The following SUPT4H1 variants were observed in gnomAD, a reference collection of about 807,000 sequenced individuals.
SUPT4H1 encodes SPT4 homolog, DSIF elongation factor subunit, also known as transcription elongation factor SPT4.
SUPT4H1 carries 12 observed loss-of-function variants against 19.4 expected under a neutral mutation model. That is an observed-to-expected ratio of 0.62 (90% confidence interval 0.40 to 1.00). SUPT4H1 has a LOEUF of 1.00. SUPT4H1 is among the 50% of genes least tolerant of loss of function. The pLI, the probability that SUPT4H1 is intolerant of heterozygous loss-of-function variation, is 0.00. For synonymous variants in SUPT4H1, 58 were observed against 56.3 expected (o/e 1.03, Z -0.14); for missense variants, 115 against 149.2 (o/e 0.77, Z 1.19).
chr17:58,347,862 A>G (rs1011056946), intron 2 of SUPT4H1, among the ~76,000 whole-genome samples: 1 of 152,236 alleles, frequency 6.6e-6, no homozygotes, highest in Non-Finnish European at 1.5e-5. Context: ...CTAGAAAATG[A>G]GACGGCTTTA....
intron 2 of SUPT4H1, among the ~76,000 whole-genome samples, chr17:58,349,454 G>A (rs540017283): frequency 3.7e-4 from 57 of 152,302 alleles, no homozygotes; most frequent in Admixed American, 1.2e-3. Flanking sequence ...CAGTAGGTTG[G>A]GTGTGTTAAA....
At chr17:58,347,263 A>G (rs559831523) in intron 3 of SUPT4H1, 22 bp from the exon 4 acceptor site, 23 of 1,613,786 alleles carry the variant, frequency 1.4e-5, no homozygotes, top group Non-Finnish European at 1.9e-5. Context: ...GAAAAAAGAT[A>G]CAAGATTACA....
At position 58,352,180 on chromosome 17, in the gene SUPT4H1, T is replaced by G. The variant is rs1294282766; in HGVS notation, c.-45A>C. On this transcript the variant is annotated 5_prime_UTR_variant, in exon 1 of 5. Transcript: ENST00000225504. Reference sequence around the variant, plus strand: ...AACAGGGAGATAGACGACCACAGCCTGTGCACCCGCAGGAAGTAAATAGCT... The same window carrying G: ...AACAGGGAGATAGACGACCACAGCCGGTGCACCCGCAGGAAGTAAATAGCT... 1 of 1,590,226 alleles carries G rather than the reference T, an allele frequency of 6.3e-7. No individual in the cohort carries two copies. Among genetic ancestry groups the G allele is most frequent in the Non-Finnish European group, 8.6e-7 (1 of 1,158,892 alleles).
In SUPT4H1 at chr17:58,350,510, C is replaced by CAAAT. The variant is rs71143243; in HGVS notation, c.176+888_176+891dup. ...TGGGCGACAGAGCGAGACTCCATCT[C>CAAAT]AAATAAATAAATAAATAAATAAATA... On this transcript the variant is annotated intron_variant, in intron 2 of 4. Coordinates refer to ENST00000225504, the MANE Select transcript of SUPT4H1 (RefSeq NM_003168.3). Among the ~76,000 whole-genome samples the CAAAT allele has an allele frequency of 4.6e-3, 679 of 146,920 alleles. 5 individuals are homozygous for CAAAT. The highest frequency in any genetic ancestry group is 6.9e-3 in the Middle Eastern group (2 of 288).
chr17:58,346,068 A>C lies in SUPT4H1; in HGVS notation c.*178T>G. On this transcript the variant is annotated 3_prime_UTR_variant, in exon 5 of 5. Transcript: ENST00000225504. Reference sequence around the variant, plus strand: ...TAATCCACCAACCCAAATCCCTCCCACCCCACCTGTAGTCCAAAGAAGATA... The same window carrying C: ...TAATCCACCAACCCAAATCCCTCCCCCCCCACCTGTAGTCCAAAGAAGATA... 1.7e-6 allele frequency: 1 copy of C among 575,296 alleles called. No individual in the cohort carries two copies. The highest frequency in any genetic ancestry group is 3.1e-6 in the Non-Finnish European group (1 of 321,346). 35.6% of individuals were successfully genotyped at this position (575,296 alleles called of 1,614,324 possible). A position where few individuals can be genotyped will look rare whatever the true frequency, so the allele number is the denominator to read the frequency against.
intron 1 of SUPT4H1, 73 bp downstream of exon 1, chr17:58,351,994 C>T: frequency 1.3e-6 from 2 of 1,523,552 alleles, no homozygotes; most frequent in East Asian, 4.5e-5. Context: ...TTTACTGTCC[C>T]ACAGCCCCAT....
At position 58,346,207 on chromosome 17, in the gene SUPT4H1, G is replaced by C. The variant is rs778982997; in HGVS notation, c.*39C>G. The C allele has an allele frequency of 6.5e-7, 1 of 1,538,984 alleles. No individual in the cohort carries two copies. The highest frequency in any genetic ancestry group is 1.7e-5 in the Admixed American group (1 of 59,880). On this transcript the variant is annotated 3_prime_UTR_variant, in exon 5 of 5. Coordinates refer to ENST00000225504, the MANE Select transcript of SUPT4H1 (RefSeq NM_003168.3). ...CCAGAACAAGAAATAAGCAGAGGCAGGAGGTGGAGAGCAAAGATGCTGGCA... is the reference window on the plus strand; with the variant it reads ...CCAGAACAAGAAATAAGCAGAGGCACGAGGTGGAGAGCAAAGATGCTGGCA...
At chr17:58,351,532 G>A in intron 1 of SUPT4H1, 24 bp from the exon 2 acceptor site, 3 of 1,502,804 alleles carry the variant, frequency 2.0e-6, no homozygotes, top group Non-Finnish European at 2.8e-6. Context: ...AAAAATAAAG[G>A]AAAAGGAGAG....
chr17:58,346,838 G>C (rs1054951627), intron 4 of SUPT4H1, among the ~76,000 whole-genome samples: 2 of 151,912 alleles, frequency 1.3e-5, no homozygotes, highest in Non-Finnish European at 2.9e-5. Flanking sequence ...AAAAGCAAAG[G>C]TTCTAAGCCA....
In SUPT4H1 at chr17:58,345,603, T is replaced by C. The variant is rs1169937734; in HGVS notation, c.*643A>G. On this transcript the variant is annotated 3_prime_UTR_variant, in exon 5 of 5. Transcript: ENST00000225504. ...ATAGACAAGCAGGGGAGGGAAGAAT[T>C]ATTAAACATGGTCAAGGAGCACTCT... is the stretch of plus-strand genomic sequence containing the variant. 6.6e-6 allele frequency: 1 copy of C among 151,930 alleles called. No homozygotes were observed. Among genetic ancestry groups the C allele is most frequent in the African/African-American group, 2.4e-5 (1 of 41,232 alleles). The allele number at this position is 151,930 out of a possible 1,614,324, so 9.4% of individuals were successfully genotyped here.
intron 2 of SUPT4H1, among the ~76,000 whole-genome samples, chr17:58,348,315 T>C (rs1006278255): frequency 6.6e-6 from 1 of 152,218 alleles, no homozygotes; most frequent in Non-Finnish European, 1.5e-5. Flanking sequence ...GCCTATTGTG[T>C]GGGTGTAAGC....
intron 2 of SUPT4H1, among the ~76,000 whole-genome samples, chr17:58,349,633 A>C (rs540023464): frequency 9.8e-5 from 15 of 152,360 alleles, no homozygotes; most frequent in African/African-American, 3.4e-4. Flanking sequence ...GGGAGAAACA[A>C]CCCAAGATAT....
At position 58,352,150 on chromosome 17, in the gene SUPT4H1, A is replaced by T; in HGVS notation, c.-15T>A. 6.2e-7 allele frequency: 1 copy of T among 1,613,814 alleles called. No homozygotes were observed. Among genetic ancestry groups the T allele is most frequent in the Non-Finnish European group, 8.5e-7 (1 of 1,179,760 alleles). On this transcript the variant is annotated 5_prime_UTR_variant, in exon 1 of 5. Coordinates refer to ENST00000225504, the MANE Select transcript of SUPT4H1 (RefSeq NM_003168.3). The stretch of plus-strand genomic sequence containing the variant: ...TCCAGGGCCATCTTCGCCGATGGGA[A>T]GAACAACAGGGAGATAGACGACCAC...
At chr17:58,351,958 C>G in intron 1 of SUPT4H1, 109 bp downstream of exon 1, 1 of 1,196,782 alleles carries the variant, frequency 8.4e-7, no homozygotes, top group South Asian at 1.3e-5. Context: ...CCTGCCACCT[C>G]TGAGTTCTGA....
intron 1 of SUPT4H1, chr17:58,351,822 C>A: frequency 1.7e-6 from 1 of 578,732 alleles, no homozygotes; most frequent in African/African-American, 1.9e-5. Flanking sequence ...TCGGCTCCAA[C>A]GTAAGTTCAC....
At position 58,352,059 on chromosome 17, in the gene SUPT4H1, A is replaced by G; in HGVS notation, c.69+8T>C. On this transcript the variant is annotated splice_region_variant and intron_variant, in intron 1 of 4. Coordinates refer to ENST00000225504, the MANE Select transcript of SUPT4H1 (RefSeq NM_003168.3). ...CATGGGCCCTACAACCAGGTCCCCG[A>G]CTGACACCTTGACCAGCGAACACAG... 6.2e-7 allele frequency: 1 copy of G among 1,614,010 alleles called. No homozygotes were observed. Among genetic ancestry groups the G allele is most frequent in the East Asian group, 2.2e-5 (1 of 44,870 alleles).
chr17:58,350,250 A>G (rs564549623), intron 2 of SUPT4H1, among the ~76,000 whole-genome samples: 82 of 151,828 alleles, frequency 5.4e-4, no homozygotes, highest in Non-Finnish European at 1.0e-3. Context: ...GCTGTGGCTC[A>G]CTCCTGTAAT....
At position 58,349,087 on chromosome 17, in the gene SUPT4H1, AC is replaced by A. The variant is rs1972395218; in HGVS notation, c.177-1504del. Among the ~76,000 whole-genome samples the A allele has an allele frequency of 2.0e-5, 3 of 152,214 alleles. No individual in the cohort carries two copies. In the South Asian group the frequency reaches 6.2e-4, roughly 32 times the overall value. ...TTGGTGAGGATGGGGAGAAATTAGA[AC>A]CTTTGGGCACTGTTGGTGGGAATGG... On this transcript the variant is annotated intron_variant, in intron 2 of 4. Coordinates refer to ENST00000225504, the MANE Select transcript of SUPT4H1 (RefSeq NM_003168.3).
rs1382561341 is a variant in SUPT4H1 at position 58,345,319 on chromosome 17, A to C, written c.*927T>G. ...GAGAACAAGGAACTTAGGGAAATCA[A>C]AATGGGGATACGAACAGGATTTCTG... is the stretch of plus-strand genomic sequence containing the variant. On this transcript the variant is annotated 3_prime_UTR_variant, in exon 5 of 5. Transcript: ENST00000225504. 2 of 152,200 alleles carry C rather than the reference A, an allele frequency of 1.3e-5. No homozygotes were observed. Among genetic ancestry groups the C allele is most frequent in the Non-Finnish European group, 2.9e-5 (2 of 68,040 alleles). 9.4% of individuals were successfully genotyped at this position (152,200 alleles called of 1,614,324 possible). A position where few individuals can be genotyped will look rare whatever the true frequency, so the allele number is the denominator to read the frequency against.
Sources: gnomAD v4.1 joint callset for allele counts (sites outside exome capture counted in the v4.1 genomes callset) on GRCh38, gnomAD v4.1.1 for gene constraint, MANE v1.5 for transcripts, NCBI Gene and HGNC (gene_info 2026-07-23, HGNC 2026-07-21) for gene names.